RFTN1: variants seen among roughly 807,000 people sequenced by gnomAD.
RFTN1 encodes raftlin, lipid raft linker 1.
In RFTN1, 26 loss-of-function variants were observed where a neutral mutation model predicts 46.5. The ratio of observed to expected loss-of-function variants is 0.56; its 90% CI spans 0.41 to 0.78. RFTN1 has a LOEUF of 0.78. RFTN1 is among the 30% of genes least tolerant of loss of function. The pLI is 0.00. For missense variants in RFTN1, 693 were observed against 718.7 expected (o/e 0.96, Z 0.41); for synonymous variants, 261 against 284.2 (o/e 0.92, Z 0.82).
chr3:16,378,146 T>G, intron 4 of RFTN1, 44 bp from the exon 5 acceptor site: 1 of 1,549,174 alleles, frequency 6.5e-7, no homozygotes, highest in East Asian at 2.3e-5. Context: ...AATGAAATGG[T>G]CTATCAAAGG....
intron 9 of RFTN1, among the ~76,000 whole-genome samples, chr3:16,319,556 C>G (rs11922434): frequency 0.24 from 35,874 of 152,134 alleles, 5,916 homozygotes; most frequent in African/African-American, 0.48. Context: ...GACAATTCCA[C>G]CACGTGCTAG....
chr3:16,505,599 C>T (rs998417104), intron 1 of RFTN1, among the ~76,000 whole-genome samples: 12 of 152,184 alleles, frequency 7.9e-5, no homozygotes, highest in Non-Finnish European at 1.6e-4. Flanking sequence ...AATCCAAAGG[C>T]GGTCTGGAGT....
In RFTN1 at chr3:16,479,551, C is replaced by T. The variant is rs979045881; in HGVS notation, c.145+14174G>A. Among the ~76,000 whole-genome samples, 2 of 152,248 alleles carry T rather than the reference C, an allele frequency of 1.3e-5. No homozygotes were observed. Among genetic ancestry groups the T allele is most frequent in the South Asian group, 2.1e-4 (1 of 4,838 alleles). On this transcript the variant is annotated intron_variant, in intron 2 of 9. Transcript: ENST00000334133. This position sits in a 1 kb window ranked among gnomAD's most constrained non-coding sequence, Gnocchi z 5.1. Reference sequence around the variant, plus strand: ...TTATTCCAGCCTGGGCTATTAGAAACAGCATCAGTAACTTTTCTTTCACAC... The same window carrying T: ...TTATTCCAGCCTGGGCTATTAGAAATAGCATCAGTAACTTTTCTTTCACAC...
rs374583562 is a variant in RFTN1 at position 16,321,716 on chromosome 3, C to T, written c.1332+1660G>A. ...TAATTAGGTACATGGAAAGAGAAAG[C>T]AGTCCACCCAGATGAGTACAGCTGC... On this transcript the variant is annotated intron_variant, in intron 9 of 9. Transcript: ENST00000334133. This position sits in a 1 kb window ranked among gnomAD's most constrained non-coding sequence, Gnocchi z 4.8. Among the ~76,000 whole-genome samples the T allele has an allele frequency of 2.6e-5, 4 of 152,204 alleles. No homozygotes were observed. Among genetic ancestry groups the T allele is most frequent in the African/African-American group, 4.8e-5 (2 of 41,448 alleles).
rs1333139223 is a variant in RFTN1, at chr3:16,352,569, T to C, written c.1146+5363A>G. On this transcript the variant is annotated intron_variant, in intron 7 of 9. Transcript: ENST00000334133. The surrounding 1 kb of genome is among the most constrained non-coding windows in gnomAD (Gnocchi z 4.6). ...TTCCAACCGAGCAAAATGCAATTAT[T>C]TGTATTTGACTCTACAGGTTCCCTA... Among the ~76,000 whole-genome samples the C allele has an allele frequency of 1.3e-5, 2 of 152,208 alleles. No individual in the cohort carries two copies. Among genetic ancestry groups the C allele is most frequent in the African/African-American group, 4.8e-5 (2 of 41,434 alleles).
At chr3:16,359,702 A>C (rs1265383082) in intron 6 of RFTN1, among the ~76,000 whole-genome samples, 2 of 152,232 alleles carry the variant, frequency 1.3e-5, no homozygotes, top group Non-Finnish European at 2.9e-5. Flanking sequence ...TAAGCCACGC[A>C]GTGTGTGGTA....
chr3:16,449,202 T>G lies in RFTN1; in HGVS notation c.146-15165A>C, dbSNP rs2075783373. ...ACCAGAGTGCATTTTATCTTAGTTC[T>G]AAATTATGCAGATCCTATTAGGCAA... On this transcript the variant is annotated intron_variant, in intron 2 of 9. Transcript: ENST00000334133. This position sits in a 1 kb window ranked among gnomAD's most constrained non-coding sequence, Gnocchi z 5.1. 6.6e-6 allele frequency among the ~76,000 whole-genome samples: 1 copy of G among 152,238 alleles called. No individual in the cohort carries two copies. Among genetic ancestry groups the G allele is most frequent in the Non-Finnish European group, 1.5e-5 (1 of 68,048 alleles).
chr3:16,414,721 T>C (rs1460320326), intron 3 of RFTN1, among the ~76,000 whole-genome samples: 1 of 151,976 alleles, frequency 6.6e-6, no homozygotes, highest in Non-Finnish European at 1.5e-5. Context: ...ATAGCTGCAC[T>C]GATGAGGTGA....
At chr3:16,379,666 C>A (rs560747046) in intron 4 of RFTN1, among the ~76,000 whole-genome samples, 10 of 152,206 alleles carry the variant, frequency 6.6e-5, no homozygotes, top group African/African-American at 2.4e-4. Flanking sequence ...TCCACTCATA[C>A]GCCCCGAGTT....
In RFTN1 at chr3:16,323,475, G is replaced by A; in HGVS notation, c.1251-18C>T. 6.3e-7 allele frequency: 1 copy of A among 1,596,048 alleles called. No homozygotes were observed. The highest frequency in any genetic ancestry group is 8.6e-7 in the Non-Finnish European group (1 of 1,165,016). ...TCCCCTCGCTGTAACACACGGAGCTGAGAATGAGCCACTTTATGCCTTAGA... is the reference window on the plus strand; with the variant it reads ...TCCCCTCGCTGTAACACACGGAGCTAAGAATGAGCCACTTTATGCCTTAGA... On this transcript the variant is annotated intron_variant, in intron 8 of 9. Transcript: ENST00000334133.
At position 16,357,932 on chromosome 3, in the gene RFTN1, T is replaced by C; in HGVS notation, c.1146A>G (p.Glu382=). 1.2e-6 allele frequency: 2 copies of C among 1,601,072 alleles called. No individual in the cohort carries two copies. Among genetic ancestry groups the C allele is most frequent in the Non-Finnish European group, 1.7e-6 (2 of 1,168,196 alleles). The change falls in exon 7 of 10, where the codon GAA becomes GAG. Residue 382 remains glutamate (E), a splice_region_variant and synonymous_variant. Transcript: ENST00000334133. Reference sequence around the variant, plus strand: ...GCGGGGCTGCCAACCCCACACTTACTTCCAGGACTGTCCATTGTTCAACCA... The same window carrying C: ...GCGGGGCTGCCAACCCCACACTTACCTCCAGGACTGTCCATTGTTCAACCA... ...AIVVEQWTVL[E]GVEVQTDYVP... is the part of the protein sequence containing the mutation.
Position 16,322,582 on chromosome 3 carries a change from C to CT in RFTN1, c.1332+793dup, listed in dbSNP as rs1314867087. On this transcript the variant is annotated intron_variant, in intron 9 of 9. Coordinates refer to ENST00000334133, the MANE Select transcript of RFTN1 (RefSeq NM_015150.2). This position sits in a 1 kb window ranked among gnomAD's most constrained non-coding sequence, Gnocchi z 6.2. ...GTGTGTCCACTCGACTCACTGGCCT[C>CT]TTCCCCAGCAACTGGTGAAAATGTC... 1.3e-5 allele frequency among the ~76,000 whole-genome samples: 2 copies of CT among 152,188 alleles called. No homozygotes were observed. Among genetic ancestry groups the CT allele is most frequent in the African/African-American group, 4.8e-5 (2 of 41,458 alleles).
At chr3:16,362,973 A>G (rs956362558) in intron 6 of RFTN1, among the ~76,000 whole-genome samples, 21 of 152,140 alleles carry the variant, frequency 1.4e-4, no homozygotes, top group African/African-American at 5.1e-4. Context: ...GAGGGCATGA[A>G]GGAGGAACAC....
chr3:16,349,920 G>A (rs138786814), intron 7 of RFTN1: 1 of 152,368 alleles, frequency 6.6e-6, no homozygotes, highest in East Asian at 1.9e-4. Flanking sequence ...TCTGCAGGCT[G>A]AATTCCTTCC....
At position 16,468,333 on chromosome 3, in the gene RFTN1, C is replaced by T. The variant is rs532176974; in HGVS notation, c.145+25392G>A. Among the ~76,000 whole-genome samples the T allele has an allele frequency of 1.3e-5, 2 of 152,214 alleles. No individual in the cohort carries two copies. The highest frequency in any genetic ancestry group is 2.1e-4 in the South Asian group (1 of 4,822). On this transcript the variant is annotated intron_variant, in intron 2 of 9. Coordinates refer to ENST00000334133, the MANE Select transcript of RFTN1 (RefSeq NM_015150.2). The surrounding 1 kb of genome is among the most constrained non-coding windows in gnomAD (Gnocchi z 4.4). ...TTTTTGAAGTACCTGCATTCTGTCTCGAGTTTCCGGTAGATAAGTAGGGCT... is the reference window on the plus strand; with the variant it reads ...TTTTTGAAGTACCTGCATTCTGTCTTGAGTTTCCGGTAGATAAGTAGGGCT...
rs569502829 is a variant in RFTN1 at position 16,381,403 on chromosome 3, G to C, written c.442-3301C>G. ...AAGGCATAGACATGACAGTGACAAT[G>C]GTGATTATTTCTGCCTGAAGGGGAG... On this transcript the variant is annotated intron_variant, in intron 4 of 9. Transcript: ENST00000334133. The surrounding 1 kb of genome is among the most constrained non-coding windows in gnomAD (Gnocchi z 4.2). 4.6e-5 allele frequency among the ~76,000 whole-genome samples: 7 copies of C among 152,314 alleles called. No individual in the cohort carries two copies. The East Asian group carries it at 1.3e-3, about 29-fold the overall frequency.
At chr3:16,434,159 C>G in intron 2 of RFTN1, 122 bp from the exon 3 acceptor site, 2 of 828,938 alleles carry the variant, frequency 2.4e-6, no homozygotes, top group Non-Finnish European at 3.6e-6. Flanking sequence ...ATGAGTTTGT[C>G]CCAGTTTTTA....
chr3:16,481,838 C>T lies in RFTN1; in HGVS notation c.145+11887G>A, dbSNP rs1575353262. Among the ~76,000 whole-genome samples the T allele has an allele frequency of 6.6e-6, 1 of 152,110 alleles. No individual in the cohort carries two copies. Among genetic ancestry groups the T allele is most frequent in the African/African-American group, 2.4e-5 (1 of 41,394 alleles). On this transcript the variant is annotated intron_variant, in intron 2 of 9. Transcript: ENST00000334133. This position sits in a 1 kb window ranked among gnomAD's most constrained non-coding sequence, Gnocchi z 5.1. Reference sequence around the variant, plus strand: ...AAAGAAAAATGTTTCCCTACCCTACCGCATATACTATTTTCAGCAAAGGAG... The same window carrying T: ...AAAGAAAAATGTTTCCCTACCCTACTGCATATACTATTTTCAGCAAAGGAG...
In RFTN1 at chr3:16,319,601, C is replaced by T. The variant is rs11922469; in HGVS notation, c.1333-2369G>A. ...CTAATATGAGCCCAGATACTCTCTCCGGGGCTGCTCTTGCTAAATAACAGA... is the reference window on the plus strand; with the variant it reads ...CTAATATGAGCCCAGATACTCTCTCTGGGGCTGCTCTTGCTAAATAACAGA... On this transcript the variant is annotated intron_variant, in intron 9 of 9. Transcript: ENST00000334133. Among the ~76,000 whole-genome samples the T allele has an allele frequency of 1.4e-4, 21 of 152,200 alleles. No individual in the cohort carries two copies. The South Asian group carries it at 3.3e-3, about 24-fold the overall frequency.
Sources: allele counts gnomAD v4.1 joint callset (sites outside exome capture counted in the v4.1 genomes callset), GRCh38; gene constraint gnomAD v4.1.1; non-coding constraint Gnocchi (gnomAD v3.1); transcripts MANE v1.5; gene names NCBI Gene and HGNC (gene_info 2026-07-23, HGNC 2026-07-21).